Variants in GRID1 observed in about 807,000 individuals in gnomAD.
GRID1 encodes glutamate ionotropic receptor delta type subunit 1.
Under a neutral mutation model 98.0 loss-of-function variants are expected in GRID1, and 28 were observed. The ratio of observed to expected loss-of-function variants is 0.29; its 90% confidence interval spans 0.21 to 0.39. The LOEUF (loss-of-function observed/expected upper bound fraction) is 0.39. GRID1 is among the 10% of genes least tolerant of loss of function. The probability of loss-of-function intolerance (pLI) is 1.00; values close to 1 mark genes in which losing one functional copy is unlikely to be tolerated. For missense variants in GRID1, 1,111 were observed against 1,340.5 expected, an observed-to-expected ratio of 0.83 and a Z score of 2.67; for synonymous variants, 553 against 538.5, an observed-to-expected ratio of 1.03 and a Z score of -0.37.
At chr10:85,950,769 C>T (rs1842109673) in intron 4 of GRID1, among the ~76,000 whole-genome samples, 1 of 152,134 alleles carries the variant, frequency 6.6e-6, no homozygotes, top group African/African-American at 2.4e-5. Flanking sequence ...TCTGTGGCTC[C>T]CAGAACAAAG....
At chr10:85,716,311 CA>C (rs918388088) in intron 12 of GRID1, among the ~76,000 whole-genome samples, 1 of 151,236 alleles carries the variant, frequency 6.6e-6, no homozygotes, top group African/African-American at 2.4e-5. Flanking sequence ...ATCGCAAGGA[CA>C]AAAAAAACAA....
At chr10:85,738,108 T>C (rs141449371) in intron 8 of GRID1, among the ~76,000 whole-genome samples, 2 of 152,012 alleles carry the variant, frequency 1.3e-5, no homozygotes, top group African/African-American at 4.8e-5. Flanking sequence ...AAAAGAAAAA[T>C]ATAAGCTACC....
At chr10:85,859,594 G>T (rs1843146183) in intron 6 of GRID1, among the ~76,000 whole-genome samples, 1 of 152,184 alleles carries the variant, frequency 6.6e-6, no homozygotes, top group Non-Finnish European at 1.5e-5. Flanking sequence ...ACAGCAATTT[G>T]TTCTTGTCTA....
intron 3 of GRID1, among the ~76,000 whole-genome samples, chr10:86,171,493 T>C (rs1287610847): frequency 6.6e-6 from 1 of 152,228 alleles, no homozygotes; most frequent in Non-Finnish European, 1.5e-5. Context: ...TAACTGGCTT[T>C]ATCTCTATTA....
At chr10:85,879,034 A>C (rs543560649) in intron 5 of GRID1, among the ~76,000 whole-genome samples, 1 of 150,578 alleles carries the variant, frequency 6.6e-6, no homozygotes, top group African/African-American at 2.4e-5. Context: ...AGGCCATTAC[A>C]TGATGGTAAA....
At chr10:85,872,405 G>A (rs1843287057) in intron 5 of GRID1, among the ~76,000 whole-genome samples, 2 of 152,242 alleles carry the variant, frequency 1.3e-5, no homozygotes, top group South Asian at 2.1e-4. Flanking sequence ...AGGAATAACA[G>A]GCCATTTTCC....
intron 8 of GRID1, among the ~76,000 whole-genome samples, chr10:85,828,244 A>G (rs1462896128): frequency 6.6e-6 from 1 of 152,206 alleles, no homozygotes; most frequent in African/African-American, 2.4e-5. Context: ...ACTAATGAAA[A>G]TAAATATATA....
chr10:86,080,389 A>AAGGGAAGGGAAGGGAAGGGG (rs1843951483), intron 4 of GRID1, among the ~76,000 whole-genome samples: 1 of 23,878 alleles, frequency 4.2e-5, no homozygotes, highest in Non-Finnish European at 8.4e-5. Flanking sequence ...AAGGAAAGGG[A>AAGGGAAGGGAAGGGAAGGGG]AGGGAAGGGA....
intron 8 of GRID1, among the ~76,000 whole-genome samples, chr10:85,819,038 A>C (rs1842739271): frequency 6.6e-6 from 1 of 152,124 alleles, no homozygotes; most frequent in Non-Finnish European, 1.5e-5. Context: ...ATTTGATTAT[A>C]ACTCAAAGAT....
At chr10:86,166,271 A>T (rs555278470) in intron 3 of GRID1, among the ~76,000 whole-genome samples, 6 of 152,218 alleles carry the variant, frequency 3.9e-5, no homozygotes, top group Non-Finnish European at 8.8e-5. Flanking sequence ...GAACATACAG[A>T]ATGGGAGAAA....
intron 12 of GRID1, among the ~76,000 whole-genome samples, chr10:85,661,964 T>C (rs1840970006): frequency 6.6e-6 from 1 of 152,234 alleles, no homozygotes; most frequent in Non-Finnish European, 1.5e-5. Context: ...GCTGTCTCTC[T>C]AGACTACTAG....
At chr10:85,677,929 A>G (rs1447149518) in intron 12 of GRID1, among the ~76,000 whole-genome samples, 1 of 152,220 alleles carries the variant, frequency 6.6e-6, no homozygotes, top group Non-Finnish European at 1.5e-5. Flanking sequence ...AGGGACAGAC[A>G]TGGTGCCAGA....
chr10:86,242,032 A>G (rs985450490), intron 2 of GRID1, among the ~76,000 whole-genome samples: 18 of 152,248 alleles, frequency 1.2e-4, no homozygotes, highest in Admixed American at 9.2e-4. Flanking sequence ...GATGGCTTGT[A>G]ATAATGTACA....
At chr10:86,110,788 C>T (rs188290379) in intron 4 of GRID1, among the ~76,000 whole-genome samples, 1 of 152,294 alleles carries the variant, frequency 6.6e-6, no homozygotes, top group African/African-American at 2.4e-5. Context: ...CCATGTGTGT[C>T]AATGTAAAGA....
intron 8 of GRID1, among the ~76,000 whole-genome samples, chr10:85,790,061 G>A (rs1292548466): frequency 2.0e-5 from 3 of 152,170 alleles, no homozygotes; most frequent in Non-Finnish European, 4.4e-5. Flanking sequence ...GCTTTTCCCA[G>A]TGGGCAATTC....
At chr10:86,337,987 C>A (rs1012594538) in intron 2 of GRID1, among the ~76,000 whole-genome samples, 1 of 152,152 alleles carries the variant, frequency 6.6e-6, no homozygotes, top group Non-Finnish European at 1.5e-5. Flanking sequence ...GGATTACAGG[C>A]GTGAGCCACC....
chr10:85,647,611 T>C, intron 12 of GRID1: 1 of 530,682 alleles, frequency 1.9e-6, no homozygotes, highest in Non-Finnish European at 3.4e-6. Context: ...CAGTGCAGAT[T>C]AATTCAATAA....
intron 3 of GRID1, among the ~76,000 whole-genome samples, chr10:86,141,896 G>A (rs1274623941): frequency 2.0e-5 from 3 of 152,254 alleles, no homozygotes; most frequent in African/African-American, 7.2e-5. Context: ...TCAGGCCCCT[G>A]GCAAAGGCTC....
At chr10:86,280,859 T>A (rs1847347714) in intron 2 of GRID1, among the ~76,000 whole-genome samples, 1 of 152,204 alleles carries the variant, frequency 6.6e-6, no homozygotes, top group South Asian at 2.1e-4. Flanking sequence ...TTCTTTCCTT[T>A]TATAGCTCAT....
Sources: allele counts gnomAD v4.1 joint callset (sites outside exome capture counted in the v4.1 genomes callset), GRCh38; gene constraint gnomAD v4.1.1; transcripts MANE v1.5; gene names NCBI Gene and HGNC (gene_info 2026-07-23, HGNC 2026-07-21).